STK38L: variants seen among roughly 807,000 people sequenced by gnomAD.
STK38L encodes serine/threonine-protein kinase 38-like.
A neutral mutation model predicts 59.7 loss-of-function variants in STK38L; 28 were observed. The observed-to-expected ratio is 0.47, with a 90% CI of 0.35 to 0.64. The LOEUF (loss-of-function observed/expected upper bound fraction) is 0.64. STK38L is among the 30% of genes least tolerant of loss of function. The pLI, the probability that STK38L is intolerant of heterozygous loss-of-function variation, is 0.01. For synonymous variants in STK38L, 162 were observed against 176.8 expected (o/e 0.92, Z 0.66); for missense variants, 314 against 555.8 (o/e 0.56, Z 4.37).
chr12:27,320,442 ATTTTT>A (rs34281958), intron 12 of STK38L, among the ~76,000 whole-genome samples: 5 of 91,902 alleles, frequency 5.4e-5, no homozygotes, highest in African/African-American at 8.9e-5. Context: ...AATTTTGTTG[ATTTTT>A]TTTTTTTTTT....
chr12:27,282,451 A>G (rs1488563819), intron 1 of STK38L, among the ~76,000 whole-genome samples: 3 of 152,242 alleles, frequency 2.0e-5, no homozygotes, highest in African/African-American at 7.2e-5. Flanking sequence ...CATGCAGCTT[A>G]CAAAAGAAAT....
intron 3 of STK38L, among the ~76,000 whole-genome samples, chr12:27,304,633 TA>T: frequency 6.6e-6 from 1 of 152,266 alleles, no homozygotes; most frequent in Non-Finnish European, 1.5e-5. Flanking sequence ...TTCCTCATTT[TA>T]AAGTTAGAAT....
Position 27,308,853 on chromosome 12 carries a change from TA to T in STK38L, c.310-254del, listed in dbSNP as rs67378364. Among the ~76,000 whole-genome samples, 60 of 139,472 alleles carry T rather than the reference TA, an allele frequency of 4.3e-4. No individual in the cohort carries two copies. Among genetic ancestry groups the T allele is most frequent in the Middle Eastern group, 3.6e-3 (1 of 274 alleles). The allele number at this position is 139,472 out of a possible 152,430, so 91.5% of individuals were successfully genotyped here. On this transcript the variant is annotated intron_variant, in intron 4 of 13. Coordinates refer to ENST00000389032, the MANE Select transcript of STK38L (RefSeq NM_015000.4). This position sits in a 1 kb window ranked among gnomAD's most constrained non-coding sequence, Gnocchi z 4.5. The stretch of plus-strand genomic sequence containing the variant: ...ATATATATGTGTTTGTATGTATATA[TA>T]AAAAAATATATATAAATATAAATAT...
At chr12:27,278,072 C>T (rs1449145436) in intron 1 of STK38L, among the ~76,000 whole-genome samples, 2 of 152,168 alleles carry the variant, frequency 1.3e-5, no homozygotes, top group African/African-American at 4.8e-5. Flanking sequence ...ATGGGGATTT[C>T]CCATTGGGTT....
chr12:27,267,178 A>C (rs1943317998), intron 1 of STK38L, among the ~76,000 whole-genome samples: 1 of 152,194 alleles, frequency 6.6e-6, no homozygotes, highest in Non-Finnish European at 1.5e-5. Context: ...TCTAAAGGGA[A>C]TAAACGTTAA....
At chr12:27,280,658 G>A (rs529754546) in intron 1 of STK38L, among the ~76,000 whole-genome samples, 12 of 152,328 alleles carry the variant, frequency 7.9e-5, no homozygotes, top group Admixed American at 1.3e-4. Flanking sequence ...TGATAAGGAC[G>A]GAGATAAGAC....
chr12:27,255,750 T>C (rs1199301087), intron 1 of STK38L, among the ~76,000 whole-genome samples: 1 of 152,212 alleles, frequency 6.6e-6, no homozygotes, highest in Non-Finnish European at 1.5e-5. Context: ...GTGGGTGATC[T>C]CATATGCTGT....
intron 2 of STK38L, chr12:27,298,158 T>C: frequency 4.7e-6 from 1 of 213,604 alleles, no homozygotes; most frequent in Non-Finnish European, 9.4e-6. Flanking sequence ...ATGCCTGGCT[T>C]GGTGTGGTGT....
chr12:27,309,300 C>A, intron 5 of STK38L, 103 bp downstream of exon 5: 1 of 649,260 alleles, frequency 1.5e-6, no homozygotes, highest in Non-Finnish European at 2.3e-6. Flanking sequence ...CATCTTACTA[C>A]ATAAGCTATT....
intron 1 of STK38L, among the ~76,000 whole-genome samples, chr12:27,246,138 A>G (rs1424259214): frequency 2.6e-5 from 4 of 152,214 alleles, no homozygotes; most frequent in African/African-American, 4.8e-5. Context: ...TAAAGGTAGG[A>G]CACTGTAAGA....
At chr12:27,299,197 A>G (rs1944103806) in intron 2 of STK38L, among the ~76,000 whole-genome samples, 1 of 152,260 alleles carries the variant, frequency 6.6e-6, no homozygotes, top group South Asian at 2.1e-4. Flanking sequence ...TACAGTTTAA[A>G]TGAAATAGAG....
At chr12:27,319,100 C>T (rs1944662362) in intron 11 of STK38L, among the ~76,000 whole-genome samples, 1 of 152,124 alleles carries the variant, frequency 6.6e-6, no homozygotes, top group South Asian at 2.1e-4. Flanking sequence ...ATGGTAGCAA[C>T]ACAGTATTTT....
In STK38L at chr12:27,302,991, C is replaced by T. The variant is rs185413955; in HGVS notation, c.186+803C>T. Among the ~76,000 whole-genome samples, 243 of 137,372 alleles carry T rather than the reference C, an allele frequency of 1.8e-3. 2 individuals carry two copies. Among genetic ancestry groups the T allele is most frequent in the African/African-American group, 6.5e-3 (237 of 36,318 alleles). 90.1% of individuals were successfully genotyped at this position (137,372 alleles called of 152,430 possible). ...TCGCGCCACTGCACTCCAGCCTGGG[C>T]GACAGAGCAAGACTCCGTCTTAAAA... On this transcript the variant is annotated intron_variant, in intron 3 of 13. Transcript: ENST00000389032.
chr12:27,319,407 G>A lies in STK38L; in HGVS notation c.1159G>A (p.Asp387Asn), dbSNP rs1191103152. 2.5e-6 allele frequency: 4 copies of A among 1,612,974 alleles called. No individual in the cohort carries two copies. The highest frequency in any genetic ancestry group is 3.4e-6 in the Non-Finnish European group (4 of 1,179,332). Residue 387 changes from aspartate to asparagine, a missense_variant, in exon 12 of 14, where the codon GAC becomes AAC. Physicochemically the swap from Asp to Asn is conservative, Grantham distance 23. Around this residue, in one of 3 missense-constraint regions of STK38L, gnomAD observed 94 missense variants for 142.2 expected, o/e 0.66. Transcript: ENST00000389032. ...AGGTCATCCCTTTTTTGAAGGTGTC[G>A]ACTGGGAGCACATAAGGTATGTTCC... is the stretch of plus-strand genomic sequence containing the variant. ...IKGHPFFEGV[D>N]WEHIRERPAA...
At position 27,294,298 on chromosome 12, in the gene STK38L, TC is replaced by T. The variant is rs1371992028; in HGVS notation, c.-11-3411del. 3.3e-5 allele frequency among the ~76,000 whole-genome samples: 5 copies of T among 152,038 alleles called. 1 individual carries two copies. Among genetic ancestry groups the T allele is most frequent in the Non-Finnish European group, 7.4e-5 (5 of 68,008 alleles). Reference sequence around the variant, plus strand: ...ACTTTGGGAGGCCAAGGCAGGCAGATCACTTGAGGTCAGGAGTTCGAGACCA... The same window carrying T: ...ACTTTGGGAGGCCAAGGCAGGCAGATACTTGAGGTCAGGAGTTCGAGACCA... On this transcript the variant is annotated intron_variant, in intron 1 of 13. Coordinates refer to ENST00000389032, the MANE Select transcript of STK38L (RefSeq NM_015000.4).
chr12:27,318,052 T>A (rs764274452), intron 11 of STK38L, 33 bp downstream of exon 11: 4 of 1,611,646 alleles, frequency 2.5e-6, no homozygotes, highest in Non-Finnish European at 3.4e-6. Flanking sequence ...GAGTTCATAG[T>A]GTCTTAAAAC....
rs528507674 is a variant in STK38L at position 27,322,546 on chromosome 12, C to T, written c.*91C>T. Reference sequence around the variant, plus strand: ...TAGATAACAATACACTGAAATACTCCTGAAGATGGTGGTGCTTATTGACTA... The same window carrying T: ...TAGATAACAATACACTGAAATACTCTTGAAGATGGTGGTGCTTATTGACTA... On this transcript the variant is annotated 3_prime_UTR_variant, in exon 14 of 14. Transcript: ENST00000389032. The T allele has an allele frequency of 5.2e-5, 78 of 1,491,562 alleles. No individual in the cohort carries two copies. The South Asian group carries it at 1.1e-3, about 20-fold the overall frequency. 92.4% of individuals were successfully genotyped at this position (1,491,562 alleles called of 1,614,324 possible). A position where few individuals can be genotyped will look rare whatever the true frequency, so the allele number is the denominator to read the frequency against.
chr12:27,273,642 T>C (rs1280552278), intron 1 of STK38L, among the ~76,000 whole-genome samples: 7 of 152,172 alleles, frequency 4.6e-5, no homozygotes, highest in African/African-American at 1.7e-4. Flanking sequence ...AAGTTCTGGG[T>C]ATGGAATAGA....
Position 27,312,620 on chromosome 12 carries a change from C to T in STK38L, c.465C>T (p.Tyr155=), listed in dbSNP as rs765059568. 2 of 1,614,008 alleles carry T rather than the reference C, an allele frequency of 1.2e-6. No homozygotes were observed. Among genetic ancestry groups the T allele is most frequent in the East Asian group, 2.2e-5 (1 of 44,852 alleles). Residue 155 remains tyrosine (Y), a synonymous_variant, in exon 6 of 14, where the codon TAC becomes TAT. Transcript: ENST00000389032. ...ADGAWVVKMF[Y]SFQDKRNLYL... is the part of the protein sequence containing the mutation. ...GTGCCTGGGTGGTGAAGATGTTTTA[C>T]AGTTTTCAGGATAAGAGGAATCTTT...
Sources: allele counts gnomAD v4.1 joint callset (sites outside exome capture counted in the v4.1 genomes callset), GRCh38; gene constraint gnomAD v4.1.1; regional missense constraint gnomAD v4.1.1; non-coding constraint Gnocchi (gnomAD v3.1); transcripts MANE v1.5; gene names NCBI Gene and HGNC (gene_info 2026-07-23, HGNC 2026-07-21).